GALNTL6: variants seen among roughly 807,000 people sequenced by gnomAD.
GALNTL6 encodes polypeptide N-acetylgalactosaminyltransferase like 6, also known as polypeptide N-acetylgalactosaminyltransferase-like 6.
In GALNTL6, 46 loss-of-function variants were observed where a neutral mutation model predicts 73.7. The observed-to-expected ratio is 0.62, with a 90% CI of 0.49 to 0.80. The LOEUF (loss-of-function observed/expected upper bound fraction) is 0.80. Among genes scored for constraint, GALNTL6 ranks in the 30% least tolerant of loss-of-function variants. GALNTL6 has a pLI of 0.00. For synonymous variants in GALNTL6, 259 were observed against 263.7 expected (o/e 0.98, Z 0.17); for missense variants, 604 against 755.0 (o/e 0.80, Z 2.34).
intron 2 of GALNTL6, among the ~76,000 whole-genome samples, chr4:171,880,655 T>C (rs1736421384): frequency 6.6e-6 from 1 of 152,042 alleles, no homozygotes; most frequent in Admixed American, 6.6e-5. Context: ...GAAAGTAGAA[T>C]TGTAAAAGGC....
intron 2 of GALNTL6, among the ~76,000 whole-genome samples, chr4:172,107,768 T>C (rs1216200924): frequency 3.9e-5 from 6 of 151,928 alleles, no homozygotes; most frequent in Admixed American, 3.9e-4. Flanking sequence ...ATGGCACATA[T>C]ATACATATGT....
At chr4:172,979,716 G>T (rs1750987146) in intron 10 of GALNTL6, among the ~76,000 whole-genome samples, 1 of 152,164 alleles carries the variant, frequency 6.6e-6, no homozygotes, top group African/African-American at 2.4e-5. Context: ...AACACTGGTT[G>T]ACACCTACCA....
intron 5 of GALNTL6, among the ~76,000 whole-genome samples, chr4:172,577,360 C>A (rs2110963848): frequency 6.6e-6 from 1 of 152,216 alleles, no homozygotes; most frequent in East Asian, 1.9e-4. Context: ...TCAGTTTGTT[C>A]CCTTCGAATT....
At chr4:172,334,875 A>G (rs1741255482) in intron 4 of GALNTL6, among the ~76,000 whole-genome samples, 1 of 151,416 alleles carries the variant, frequency 6.6e-6, no homozygotes, top group South Asian at 2.1e-4. Context: ...GGCTCTTATT[A>G]TTTTGAGGTA....
intron 10 of GALNTL6, among the ~76,000 whole-genome samples, chr4:172,962,102 G>T (rs533323996): frequency 6.6e-6 from 1 of 152,172 alleles, no homozygotes; most frequent in South Asian, 2.1e-4. Flanking sequence ...AAGGGTGGGG[G>T]TCACAAGGTG....
chr4:171,894,311 AGATAGG>A (rs977125638), intron 2 of GALNTL6, among the ~76,000 whole-genome samples: 2 of 152,148 alleles, frequency 1.3e-5, no homozygotes, highest in Non-Finnish European at 2.9e-5. Context: ...GTCTTAGTCA[AGATAGG>A]GCTCACTCCC....
At chr4:172,307,953 A>G (rs1195946800) in intron 3 of GALNTL6, among the ~76,000 whole-genome samples, 1 of 125,600 alleles carries the variant, frequency 8.0e-6, no homozygotes, top group African/African-American at 3.0e-5. Context: ...TAGTATGGTC[A>G]TTTTCACAAT....
intron 5 of GALNTL6, among the ~76,000 whole-genome samples, chr4:172,421,770 C>T (rs1731059012): frequency 6.6e-6 from 1 of 151,916 alleles, no homozygotes; most frequent in African/African-American, 2.4e-5. Flanking sequence ...TTTTTCCTGA[C>T]ATTTAATCTC....
chr4:172,466,754 G>A (rs1210419873), intron 5 of GALNTL6, among the ~76,000 whole-genome samples: 1 of 152,130 alleles, frequency 6.6e-6, no homozygotes, highest in Non-Finnish European at 1.5e-5. Flanking sequence ...ATATAAATAG[G>A]ATTATCTCAG....
intron 3 of GALNTL6, among the ~76,000 whole-genome samples, chr4:172,286,810 C>T (rs145078151): frequency 6.4e-4 from 97 of 152,092 alleles, no homozygotes; most frequent in African/African-American, 2.1e-3. Flanking sequence ...AAATGGCGAG[C>T]CAAAGAGCCA....
intron 5 of GALNTL6, among the ~76,000 whole-genome samples, chr4:172,678,676 A>G (rs1462116092): frequency 6.6e-6 from 1 of 152,196 alleles, no homozygotes; most frequent in Non-Finnish European, 1.5e-5. Context: ...TAATTGTGCT[A>G]AACTTTTCTT....
chr4:172,707,974 C>G (rs1253565710), intron 5 of GALNTL6, among the ~76,000 whole-genome samples: 1 of 152,086 alleles, frequency 6.6e-6, no homozygotes, highest in Non-Finnish European at 1.5e-5. Context: ...GAAGAGGGAT[C>G]AAAGAAACCT....
At chr4:172,716,677 A>G (rs530012871) in intron 5 of GALNTL6, among the ~76,000 whole-genome samples, 1 of 152,344 alleles carries the variant, frequency 6.6e-6, no homozygotes, top group South Asian at 2.1e-4. Flanking sequence ...AGGAAAACAA[A>G]GATTTTAAGT....
At position 172,511,595 on chromosome 4, in the gene GALNTL6, G is replaced by A. The variant is rs1734445169; in HGVS notation, c.553+162906G>A. Among the ~76,000 whole-genome samples the A allele has an allele frequency of 3.7e-5, 2 of 54,720 alleles. 1 individual carries two copies. Among genetic ancestry groups the A allele is most frequent in the Non-Finnish European group, 8.4e-5 (2 of 23,744 alleles). 35.9% of individuals were successfully genotyped at this position (54,720 alleles called of 152,430 possible). The stretch of plus-strand genomic sequence containing the variant: ...ATTTCATCCTGTGAACTTCCTCATA[G>A]CATGACTTTTGCTGTATCCCAGAGG... On this transcript the variant is annotated intron_variant, in intron 5 of 12. Transcript: ENST00000506823.
At chr4:172,467,225 C>T (rs1008103710) in intron 5 of GALNTL6, among the ~76,000 whole-genome samples, 5 of 152,190 alleles carry the variant, frequency 3.3e-5, no homozygotes, top group African/African-American at 1.2e-4. Context: ...GAATCTATTC[C>T]TACATAGATG....
intron 2 of GALNTL6, among the ~76,000 whole-genome samples, chr4:171,957,053 C>G (rs1282937343): frequency 1.3e-5 from 2 of 152,150 alleles, no homozygotes; most frequent in Non-Finnish European, 2.9e-5. Flanking sequence ...GGCCTCACTG[C>G]GGGGAATGTT....
In GALNTL6 at chr4:172,851,422, A is replaced by G. The variant is rs926271444; in HGVS notation, c.924-31368A>G. 5.9e-5 allele frequency among the ~76,000 whole-genome samples: 9 copies of G among 152,088 alleles called. No homozygotes were observed. The South Asian group carries it at 1.7e-3, about 28-fold the overall frequency. On this transcript the variant is annotated intron_variant, in intron 7 of 12. Coordinates refer to ENST00000506823, the MANE Select transcript of GALNTL6 (RefSeq NM_001034845.3). Reference sequence around the variant, plus strand: ...TACTTACATATATATATATATACACACACACACATATATATATCACACATA... The same window carrying G: ...TACTTACATATATATATATATACACGCACACACATATATATATCACACATA...
At chr4:172,465,205 C>T (rs573171967) in intron 5 of GALNTL6, among the ~76,000 whole-genome samples, 141 of 152,258 alleles carry the variant, frequency 9.3e-4, no homozygotes, top group Middle Eastern at 3.4e-3. Flanking sequence ...TGGCAGCGCG[C>T]GGTGGCTCAC....
At chr4:172,596,725 G>A (rs1737869664) in intron 5 of GALNTL6, among the ~76,000 whole-genome samples, 1 of 151,962 alleles carries the variant, frequency 6.6e-6, no homozygotes, top group African/African-American at 2.4e-5. Flanking sequence ...TTTAATCTAA[G>A]GACAGTATTA....
Sources: gnomAD v4.1 joint callset for allele counts (sites outside exome capture counted in the v4.1 genomes callset) on GRCh38, gnomAD v4.1.1 for gene constraint, MANE v1.5 for transcripts, NCBI Gene and HGNC (gene_info 2026-07-23, HGNC 2026-07-21) for gene names.